The following LAMP5 variants were observed in gnomAD, a reference collection of about 807,000 sequenced individuals.
LAMP5 encodes lysosome-associated membrane glycoprotein 5.
A neutral mutation model predicts 30.2 loss-of-function variants in LAMP5; 36 were observed. The ratio of observed to expected loss-of-function variants is 1.19; its 90% CI spans 0.91 to 1.57. The LOEUF (loss-of-function observed/expected upper bound fraction) is 1.57. Among genes scored for constraint, LAMP5 ranks in the 40% most tolerant of loss-of-function variants. LAMP5 has a pLI of 0.00. For synonymous variants in LAMP5, 149 were observed against 134.6 expected (o/e 1.11, Z -0.74); for missense variants, 377 against 354.9 (o/e 1.06, Z -0.50).
intron 4 of LAMP5, 95 bp downstream of exon 4, chr20:9,516,456 G>C (rs2045040802): frequency 9.5e-7 from 1 of 1,050,074 alleles, no homozygotes; most frequent in African/African-American, 1.6e-5. Context: ...ACCGTCCCAC[G>C]CTTTGAGGTC....
chr20:9,530,155 A>G lies in LAMP5; in HGVS notation c.*335A>G. 1 of 215,154 alleles carries G rather than the reference A, an allele frequency of 4.6e-6. No homozygotes were observed. Among genetic ancestry groups the G allele is most frequent in the Non-Finnish European group, 9.5e-6 (1 of 105,722 alleles). The allele number at this position is 215,154 out of a possible 1,614,324, so 13.3% of individuals were successfully genotyped here. A position where few individuals can be genotyped will look rare whatever the true frequency, so the allele number is the denominator to read the frequency against. ...CTGTATCTGGCCCCAAAGTTTAGGGATTGAAAACATGCTTCTTTGAGGAGG... is the reference window on the plus strand; with the variant it reads ...CTGTATCTGGCCCCAAAGTTTAGGGGTTGAAAACATGCTTCTTTGAGGAGG... On this transcript the variant is annotated 3_prime_UTR_variant, in exon 6 of 6. Coordinates refer to ENST00000246070, the MANE Select transcript of LAMP5 (RefSeq NM_012261.4).
At position 9,516,320 on chromosome 20, in the gene LAMP5, A is replaced by G. The variant is rs2045039413; in HGVS notation, c.434A>G (p.Tyr145Cys). The G allele has an allele frequency of 6.2e-7, 1 of 1,614,038 alleles. No homozygotes were observed. Among genetic ancestry groups the G allele is most frequent in the Non-Finnish European group, 8.5e-7 (1 of 1,180,044 alleles). Residue 145 changes from tyrosine (Y) to cysteine (C), a missense_variant, in exon 4 of 6, where the codon TAC becomes TGC. Tyr to Cys is a radical substitution (Grantham distance 194). Coordinates refer to ENST00000246070, the MANE Select transcript of LAMP5 (RefSeq NM_012261.4). Reference protein sequence around the residue: ...TWRLSKVQFVYDSSEKTHFKD... With the variant: ...TWRLSKVQFVCDSSEKTHFKD... ...AGGCTGAGCAAAGTGCAGTTTGTCTACGACTCCTCGGAGAAAACCCACTTC... is the reference window on the plus strand; with the variant it reads ...AGGCTGAGCAAAGTGCAGTTTGTCTGCGACTCCTCGGAGAAAACCCACTTC...
intron 5 of LAMP5, among the ~76,000 whole-genome samples, chr20:9,518,527 T>C (rs567120130): frequency 4.6e-5 from 7 of 152,342 alleles, no homozygotes; most frequent in Admixed American, 4.6e-4. Context: ...TTCCCTCCCT[T>C]CTTATATTTC....
At chr20:9,519,158 ATT>A (rs773294636) in intron 5 of LAMP5, among the ~76,000 whole-genome samples, 1 of 152,228 alleles carries the variant, frequency 6.6e-6, no homozygotes, top group Non-Finnish European at 1.5e-5. Flanking sequence ...CATATCATTT[ATT>A]CTCTCTCCCT....
chr20:9,526,858 GTGTATA>G (rs1235120504), intron 5 of LAMP5, among the ~76,000 whole-genome samples: 1,773 of 90,434 alleles, frequency 0.02, 41 homozygotes, highest in African/African-American at 0.061. Context: ...ATGTGTGTGT[GTGTATA>G]TATATATATA....
chr20:9,529,608 C>T (rs1436539555), intron 5 of LAMP5, 34 bp from the exon 6 acceptor site: 1 of 1,596,392 alleles, frequency 6.3e-7, no homozygotes, highest in Non-Finnish European at 8.6e-7. Context: ...ATGTTTTGAC[C>T]AGAGCTCTCT....
intron 5 of LAMP5, among the ~76,000 whole-genome samples, chr20:9,523,489 C>T (rs984268396): frequency 6.6e-6 from 1 of 152,168 alleles, no homozygotes; most frequent in African/African-American, 2.4e-5. Flanking sequence ...ACATATCTAG[C>T]AACCAGCACC....
chr20:9,519,786 T>G (rs1385653228), intron 5 of LAMP5, among the ~76,000 whole-genome samples: 1 of 152,248 alleles, frequency 6.6e-6, no homozygotes, highest in Non-Finnish European at 1.5e-5. Flanking sequence ...TTTATGACTT[T>G]CTAGTTTTTG....
At position 9,516,266 on chromosome 20, in the gene LAMP5, A is replaced by C; in HGVS notation, c.380A>C (p.Asn127Thr). 1 of 1,614,118 alleles carries C rather than the reference A, an allele frequency of 6.2e-7. No homozygotes were observed. The highest frequency in any genetic ancestry group is 8.5e-7 in the Non-Finnish European group (1 of 1,180,004). ...TCCCCGGCTCAACAGGAAAGCCACA[A>C]CATGTCCAAGGGACCTGAGGCGACT... is the stretch of plus-strand genomic sequence containing the variant. Reference protein sequence around the residue: ...LKMLFVKESHNMSKGPEATWR... With the variant: ...LKMLFVKESHTMSKGPEATWR... The change falls in exon 4 of 6, where the codon AAC becomes ACC. Residue 127 changes from asparagine (N) to threonine (T), a missense_variant. Physicochemically the swap from Asn to Thr is moderately conservative, Grantham distance 65. Transcript: ENST00000246070.
intron 4 of LAMP5, 41 bp from the exon 5 acceptor site, chr20:9,517,996 GGAA>G: frequency 6.3e-7 from 1 of 1,596,050 alleles, no homozygotes; most frequent in Non-Finnish European, 8.6e-7. Context: ...CATTAGGTTA[GGAA>G]CAATGAGGGT....
chr20:9,526,410 G>A (rs181304476), intron 5 of LAMP5, among the ~76,000 whole-genome samples: 7 of 152,256 alleles, frequency 4.6e-5, no homozygotes, highest in Admixed American at 2.0e-4. Flanking sequence ...GTTATCATGA[G>A]GAAAATAAAT....
chr20:9,516,201 T>C, intron 3 of LAMP5, 55 bp from the exon 4 acceptor site: 1 of 1,608,782 alleles, frequency 6.2e-7, no homozygotes, highest in South Asian at 1.1e-5. Context: ...GGCCCCTAGG[T>C]TTAAGAACCC....
chr20:9,529,900 A>C lies in LAMP5; in HGVS notation c.*80A>C. 7.4e-7 allele frequency: 1 copy of C among 1,343,604 alleles called. No individual in the cohort carries two copies. Among genetic ancestry groups the C allele is most frequent in the Non-Finnish European group, 1.0e-6 (1 of 955,250 alleles). The allele number at this position is 1,343,604 out of a possible 1,614,324, so 83.2% of individuals were successfully genotyped here. A position where few individuals can be genotyped will look rare whatever the true frequency, so the allele number is the denominator to read the frequency against. ...CAACAAAAGCACTTTTCCATCTTGT[A>C]CACGAGATACACCAACATAGCTACA... On this transcript the variant is annotated 3_prime_UTR_variant, in exon 6 of 6. Coordinates refer to ENST00000246070, the MANE Select transcript of LAMP5 (RefSeq NM_012261.4).
intron 5 of LAMP5, among the ~76,000 whole-genome samples, chr20:9,527,599 A>T (rs2045122853): frequency 6.6e-6 from 1 of 152,222 alleles, no homozygotes; most frequent in Non-Finnish European, 1.5e-5. Context: ...GTCTGGACTT[A>T]AAAAACTTGG....
At position 9,515,468 on chromosome 20, in the gene LAMP5, TC is replaced by T; in HGVS notation, c.81del (p.Met28TrpfsTer51). On this transcript the variant is annotated frameshift_variant, in exon 2 of 6. Transcript: ENST00000246070. LOFTEE classifies it high-confidence loss of function. ...TGTTCCGCAGATACAATGGCTCAAA[TC>T]ATGGCAGAACAAGAAGTGGAAAATC... is the stretch of plus-strand genomic sequence containing the variant. ...LLMLFHTMAQ[I>X]MAEQEVENLS... 6.2e-7 allele frequency: 1 copy of T among 1,613,942 alleles called. No homozygotes were observed.
intron 4 of LAMP5, among the ~76,000 whole-genome samples, chr20:9,517,052 G>A (rs1373334468): frequency 6.6e-6 from 1 of 152,120 alleles, no homozygotes; most frequent in Non-Finnish European, 1.5e-5. Context: ...CACTCATAAT[G>A]AGGCCCTTCA....
rs148248365 is a variant in LAMP5, at chr20:9,526,978, T to C, written c.665-2664T>C. On this transcript the variant is annotated intron_variant, in intron 5 of 5. Coordinates refer to ENST00000246070, the MANE Select transcript of LAMP5 (RefSeq NM_012261.4). ...ATGTAATTTAGTAAATATCAACTTATGAATACACCTGTGAAGCCATCACCA... is the reference window on the plus strand; with the variant it reads ...ATGTAATTTAGTAAATATCAACTTACGAATACACCTGTGAAGCCATCACCA... 4.2e-4 allele frequency among the ~76,000 whole-genome samples: 63 copies of C among 150,756 alleles called. 1 individual carries two copies. The highest frequency in any genetic ancestry group is 2.1e-3 in the Admixed American group (32 of 15,094).
At chr20:9,527,032 C>A (rs1347720506) in intron 5 of LAMP5, among the ~76,000 whole-genome samples, 1 of 151,860 alleles carries the variant, frequency 6.6e-6, no homozygotes, top group African/African-American at 2.4e-5. Flanking sequence ...ATCCATCATG[C>A]TGGAAAACTT....
At chr20:9,522,688 A>G (rs913079117) in intron 5 of LAMP5, among the ~76,000 whole-genome samples, 1 of 152,208 alleles carries the variant, frequency 6.6e-6, no homozygotes, top group Non-Finnish European at 1.5e-5. Flanking sequence ...ACCAAATGCC[A>G]TCTATCACTG....
Sources: gnomAD v4.1 joint callset for allele counts (sites outside exome capture counted in the v4.1 genomes callset) on GRCh38, gnomAD v4.1.1 for gene constraint, MANE v1.5 for transcripts, NCBI Gene and HGNC (gene_info 2026-07-23, HGNC 2026-07-21) for gene names.